The following MED13L variants were observed in gnomAD, a reference collection of about 807,000 sequenced individuals.
MED13L encodes mediator complex subunit 13L, also known as mediator of RNA polymerase II transcription subunit 13-like.
MED13L carries 7 observed loss-of-function variants against 220.9 expected under a neutral mutation model. That is an observed-to-expected ratio of 0.03 (90% CI 0.02 to 0.06). MED13L has a LOEUF of 0.06. Among genes scored for constraint, MED13L ranks in the 10% least tolerant of loss-of-function variants. The probability of loss-of-function intolerance (pLI) is 1.00; values close to 1 mark genes in which losing one functional copy is unlikely to be tolerated. For missense variants in MED13L, 1,965 were observed against 2,760.5 expected, an observed-to-expected ratio of 0.71 and a Z score of 6.46; for synonymous variants, 1,011 against 1,015.2, an observed-to-expected ratio of 1.00 and a Z score of 0.08.
intron 22 of MED13L, chr12:115,982,124 C>A: frequency 2.3e-6 from 1 of 429,448 alleles, no homozygotes; most frequent in Non-Finnish European, 4.2e-6. Context: ...ATAAAATTAC[C>A]TTCAGGTTAT....
intron 2 of MED13L, among the ~76,000 whole-genome samples, chr12:116,215,353 A>G (rs1472620913): frequency 1.3e-5 from 2 of 152,212 alleles, no homozygotes; most frequent in Admixed American, 6.5e-5. Context: ...TAGAACCTTC[A>G]AAGCCTTTGT....
At chr12:116,067,726 T>A (rs1332253819) in intron 4 of MED13L, among the ~76,000 whole-genome samples, 2 of 152,194 alleles carry the variant, frequency 1.3e-5, no homozygotes, top group Non-Finnish European at 2.9e-5. Flanking sequence ...TGGCTATCTA[T>A]GCCAGTCACT....
chr12:116,081,955 T>C (rs1871265918), intron 4 of MED13L, among the ~76,000 whole-genome samples: 1 of 152,098 alleles, frequency 6.6e-6, no homozygotes, highest in Non-Finnish European at 1.5e-5. Context: ...TATGAATACA[T>C]TTTTTTTTTA....
intron 4 of MED13L, among the ~76,000 whole-genome samples, chr12:116,055,429 C>T (rs1341576946): frequency 2.0e-5 from 3 of 152,070 alleles, no homozygotes; most frequent in Non-Finnish European, 4.4e-5. Context: ...ACTTTCGATC[C>T]CTACTTTCAG....
At chr12:116,037,724 G>GA (rs1881272208) in intron 4 of MED13L, among the ~76,000 whole-genome samples, 1 of 152,078 alleles carries the variant, frequency 6.6e-6, no homozygotes, top group Non-Finnish European at 1.5e-5. Context: ...TTGTGTTAAT[G>GA]AAAAAATGGT....
chr12:116,102,629 A>C (rs1362220492), intron 3 of MED13L, among the ~76,000 whole-genome samples: 1 of 151,766 alleles, frequency 6.6e-6, no homozygotes, highest in East Asian at 1.9e-4. Context: ...CCCTAACCAA[A>C]TAAAATAAAC....
rs1031939031 is a variant in MED13L at position 116,007,030 on chromosome 12, C to A, written c.2238+381G>T. ...CGCTCAGCACAGTAAGGATAAGAAGCGCTCGATAAATTGTGTATACCTACT... is the reference window on the plus strand; with the variant it reads ...CGCTCAGCACAGTAAGGATAAGAAGAGCTCGATAAATTGTGTATACCTACT... On this transcript the variant is annotated intron_variant, in intron 11 of 30. Coordinates refer to ENST00000281928, the MANE Select transcript of MED13L (RefSeq NM_015335.5). 6 of 301,144 alleles carry A rather than the reference C, an allele frequency of 2.0e-5. No homozygotes were observed. In the East Asian group the frequency reaches 3.8e-4, roughly 19 times the overall value. The allele number at this position is 301,144 out of a possible 1,614,324, so 18.7% of individuals were successfully genotyped here. A position where few individuals can be genotyped will look rare whatever the true frequency, so the allele number is the denominator to read the frequency against.
intron 4 of MED13L, among the ~76,000 whole-genome samples, chr12:116,081,910 T>C (rs1376439240): frequency 6.6e-6 from 1 of 152,102 alleles, no homozygotes; most frequent in African/African-American, 2.4e-5. Flanking sequence ...ATCAGAAAAA[T>C]ACACAATAGA....
chr12:116,050,401 T>G (rs1274414377), intron 4 of MED13L, among the ~76,000 whole-genome samples: 1 of 152,134 alleles, frequency 6.6e-6, no homozygotes, highest in Non-Finnish European at 1.5e-5. Flanking sequence ...ACTAAAACTC[T>G]AGAAATAAAA....
At position 116,239,975 on chromosome 12, in the gene MED13L, T is replaced by C. The variant is rs373330039; in HGVS notation, c.73-2270A>G. The stretch of plus-strand genomic sequence containing the variant: ...TTGGTTAAATGAGTCAGTATACATA[T>C]GAAGCATTTATAAAAGACAGTGTCT... On this transcript the variant is annotated intron_variant, in intron 1 of 30. Transcript: ENST00000281928. Among the ~76,000 whole-genome samples, 6 of 152,346 alleles carry C rather than the reference T, an allele frequency of 3.9e-5. No individual in the cohort carries two copies. In the South Asian group the frequency reaches 1.2e-3, roughly 32 times the overall value.
At chr12:116,119,567 G>C (rs901676937) in intron 2 of MED13L, among the ~76,000 whole-genome samples, 1 of 151,660 alleles carries the variant, frequency 6.6e-6, no homozygotes, top group Admixed American at 6.6e-5. Context: ...TCTTAAGAAG[G>C]CACAGTGCCT....
At position 116,259,348 on chromosome 12, in the gene MED13L, G is replaced by A. The variant is rs371746610; in HGVS notation, c.72+17712C>T. On this transcript the variant is annotated intron_variant, in intron 1 of 30. Transcript: ENST00000281928. Reference sequence around the variant, plus strand: ...ATCACCAACAGAATGCATAAACTGCGATATACGAGAACTACAACTGTAGAA... The same window carrying A: ...ATCACCAACAGAATGCATAAACTGCAATATACGAGAACTACAACTGTAGAA... 9.1e-4 allele frequency among the ~76,000 whole-genome samples: 138 copies of A among 152,136 alleles called. 1 individual carries two copies. Among genetic ancestry groups the A allele is most frequent in the South Asian group, 4.6e-3 (22 of 4,816 alleles).
intron 1 of MED13L, among the ~76,000 whole-genome samples, chr12:116,239,299 T>C (rs1475519467): frequency 6.6e-6 from 1 of 152,174 alleles, no homozygotes; most frequent in Non-Finnish European, 1.5e-5. Context: ...TCATTTAGGG[T>C]TTCCCTATAT....
chr12:116,093,254 C>A (rs1872385001), intron 4 of MED13L, among the ~76,000 whole-genome samples: 1 of 151,978 alleles, frequency 6.6e-6, no homozygotes, highest in Non-Finnish European at 1.5e-5. Context: ...TAGTTGTCAC[C>A]ACTCAAGGGC....
chr12:115,994,660 G>C (rs905742767), intron 16 of MED13L, among the ~76,000 whole-genome samples: 3 of 152,190 alleles, frequency 2.0e-5, no homozygotes, highest in Non-Finnish European at 2.9e-5. Flanking sequence ...GTATGAAAGA[G>C]ATTAAACTGC....
At chr12:115,966,293 G>GA in intron 28 of MED13L, 50 bp from the exon 29 acceptor site, 1 of 1,607,750 alleles carries the variant, frequency 6.2e-7, no homozygotes, top group Non-Finnish European at 8.5e-7. Context: ...CTTAAAGCTT[G>GA]AAAAATGAAC....
At chr12:116,124,682 T>A (rs1875426609) in intron 2 of MED13L, among the ~76,000 whole-genome samples, 1 of 152,164 alleles carries the variant, frequency 6.6e-6, no homozygotes, top group Non-Finnish European at 1.5e-5. Context: ...TTAACGCCCA[T>A]CAATCCCTGC....
At position 115,972,610 on chromosome 12, in the gene MED13L, C is replaced by T. The variant is rs995098874; in HGVS notation, c.5732-374G>A. The T allele has an allele frequency of 1.6e-5, 5 of 318,002 alleles. No individual in the cohort carries two copies. In the Admixed American group the frequency reaches 2.1e-4, roughly 13 times the overall value. The allele number at this position is 318,002 out of a possible 1,614,324, so 19.7% of individuals were successfully genotyped here. On this transcript the variant is annotated intron_variant, in intron 25 of 30. Transcript: ENST00000281928. ...CTCAAGGTCCGATTCTTTCAGTACT[C>T]TGCTCTGGAGGAAAGCACTGGCAGG...
intron 29 of MED13L, among the ~76,000 whole-genome samples, chr12:115,965,696 G>A (rs1265262040): frequency 6.6e-6 from 1 of 152,202 alleles, no homozygotes; most frequent in Non-Finnish European, 1.5e-5. Context: ...TGAAGAATGT[G>A]AAGAGTCCCT....
Sources: allele counts gnomAD v4.1 joint callset (sites outside exome capture counted in the v4.1 genomes callset), GRCh38; gene constraint gnomAD v4.1.1; transcripts MANE v1.5; gene names NCBI Gene and HGNC (gene_info 2026-07-23, HGNC 2026-07-21).